Variants in PATL2 observed in about 807,000 individuals in gnomAD.
PATL2 encodes the protein PAT1 homolog 2, also known as protein PAT1 homolog 2.
In PATL2, 73 loss-of-function variants were observed where a neutral mutation model predicts 77.0. The ratio of observed to expected loss-of-function variants is 0.95; its 90% confidence interval spans 0.78 to 1.15. The LOEUF is 1.15. Ranked by LOEUF, PATL2 falls within the 50% of genes most tolerant of loss-of-function variation. The probability of loss-of-function intolerance (pLI) is 0.00; values close to 1 mark genes in which losing one functional copy is unlikely to be tolerated. For missense variants in PATL2, 618 were observed against 655.4 expected (o/e 0.94, Z 0.62); for synonymous variants, 265 against 257.1 (o/e 1.03, Z -0.29).
In PATL2 at chr15:44,666,534, T is replaced by A; in HGVS notation, c.1471A>T (p.Met491Leu). The A allele has an allele frequency of 1.3e-6, 2 of 1,549,826 alleles. No individual in the cohort carries two copies. The highest frequency in any genetic ancestry group is 8.7e-7 in the Non-Finnish European group (1 of 1,146,150). ...ATCTCCCAGGCAATCAGAACCACCATGTCTGTCCTAGAGAGCATAAATATA... is the reference window on the plus strand; with the variant it reads ...ATCTCCCAGGCAATCAGAACCACCAAGTCTGTCCTAGAGAGCATAAATATA... ...PNSDHTAWTD[M>L]VVLIAWEIAQ... is the part of the protein sequence containing the mutation. Residue 491 changes from methionine to leucine, a missense_variant, in exon 17 of 18, where the codon ATG becomes TTG. Coordinates refer to ENST00000682850, the MANE Select transcript of PATL2 (RefSeq NM_001387263.1).
At chr15:44,672,359 C>G in intron 8 of PATL2, 29 bp downstream of exon 8, 1 of 1,550,224 alleles carries the variant, frequency 6.5e-7, no homozygotes, top group Non-Finnish European at 8.7e-7. Context: ...ATGGGCTCCC[C>G]TCAACCCTGC....
At chr15:44,677,789 C>T (rs768819400) in intron 3 of PATL2, among the ~76,000 whole-genome samples, 6 of 152,148 alleles carry the variant, frequency 3.9e-5, no homozygotes, top group Admixed American at 3.3e-4. Context: ...TACTGCAGGT[C>T]ATAACTATAT....
At chr15:44,707,675 G>A (rs922479069) in intron 3 of PATL2, among the ~76,000 whole-genome samples, 2 of 152,096 alleles carry the variant, frequency 1.3e-5, no homozygotes, top group African/African-American at 4.8e-5. Flanking sequence ...TCTGAGCTTT[G>A]AGCTGCCCTG....
rs182864898 is a variant in PATL2, at chr15:44,669,300, G to A, written c.1044C>T (p.Thr348=). The A allele has an allele frequency of 1.8e-4, 282 of 1,551,040 alleles. No homozygotes were observed. In the African/African-American group the frequency reaches 3.6e-3, roughly 20 times the overall value. Residue 348 remains threonine, a synonymous_variant, in exon 13 of 18, where the codon ACC becomes ACT. Coordinates refer to ENST00000682850, the MANE Select transcript of PATL2 (RefSeq NM_001387263.1). ...QVEKLFQTLK[T]QEQNNLEEAA... ...CTCACTCCAGGTTGTTCTGCTCCTG[G>A]GTCTTTAAGGTCTGGAAGAGCTTCT...
At position 44,668,499 on chromosome 15, in the gene PATL2, A is replaced by G. The variant is rs1418219327; in HGVS notation, c.1225-17T>C. ...TTGTAGGGCCTGCAAGAAGATCAGT[A>G]AGCACCTCCCAAATTCCACTACAAC... On this transcript the variant is annotated splice_polypyrimidine_tract_variant and intron_variant, in intron 14 of 17. Coordinates refer to ENST00000682850, the MANE Select transcript of PATL2 (RefSeq NM_001387263.1). The G allele has an allele frequency of 2.2e-5, 34 of 1,547,872 alleles. No individual in the cohort carries two copies. The highest frequency in any genetic ancestry group is 2.8e-5 in the Non-Finnish European group (32 of 1,145,596).
intron 3 of PATL2, among the ~76,000 whole-genome samples, chr15:44,695,841 T>TACCAAATAATTCTTC (rs1452482457): frequency 6.6e-6 from 1 of 152,228 alleles, no homozygotes; most frequent in Non-Finnish European, 1.5e-5. Flanking sequence ...TCTGATTCTT[T>TACCAAATAATTCTTC]ACCAAATAAT....
intron 3 of PATL2, among the ~76,000 whole-genome samples, chr15:44,682,853 C>G (rs916420813): frequency 6.6e-6 from 1 of 152,206 alleles, no homozygotes; most frequent in African/African-American, 2.4e-5. Context: ...GAGATCAACA[C>G]AGAAAGTGGG....
intron 3 of PATL2, among the ~76,000 whole-genome samples, chr15:44,678,613 T>C (rs760349314): frequency 2.6e-5 from 4 of 152,276 alleles, no homozygotes; most frequent in East Asian, 1.9e-4. Flanking sequence ...GAGCTTCTTC[T>C]AGAATAAGAA....
chr15:44,681,390 A>G (rs1486527395), intron 3 of PATL2, among the ~76,000 whole-genome samples: 1 of 152,138 alleles, frequency 6.6e-6, no homozygotes, highest in Non-Finnish European at 1.5e-5. Flanking sequence ...ACAGCATTCA[A>G]CACTGCTGAT....
At chr15:44,681,737 C>T (rs1238575496) in intron 3 of PATL2, among the ~76,000 whole-genome samples, 1 of 152,210 alleles carries the variant, frequency 6.6e-6, no homozygotes, top group Non-Finnish European at 1.5e-5. Context: ...GCAATCTCAT[C>T]TCATGCTGAT....
chr15:44,676,777 C>G, intron 3 of PATL2: 1 of 1,261,096 alleles, frequency 7.9e-7, no homozygotes, highest in Non-Finnish European at 1.0e-6. Context: ...AGAAATGAGG[C>G]ACAGGCTAGA....
At chr15:44,692,419 A>C (rs367836637) in intron 3 of PATL2, among the ~76,000 whole-genome samples, 22 of 152,330 alleles carry the variant, frequency 1.4e-4, no homozygotes, top group African/African-American at 5.1e-4. Flanking sequence ...CAACAAAAAA[A>C]CCAGCTCTGT....
rs1319018604 is a variant in PATL2, at chr15:44,702,234, G to GA, written c.-76+7861dup. Among the ~76,000 whole-genome samples the GA allele has an allele frequency of 2.0e-5, 3 of 152,008 alleles. No individual in the cohort carries two copies. In the South Asian group the frequency reaches 6.2e-4, roughly 31 times the overall value. On this transcript the variant is annotated intron_variant, in intron 3 of 17. Coordinates refer to ENST00000682850, the MANE Select transcript of PATL2 (RefSeq NM_001387263.1). Reference sequence around the variant, plus strand: ...ATCTTGGCAGGTTGTATGTGTCTAGGAATGTATCCATTTCTTCTAGGTTTT... The same window carrying GA: ...ATCTTGGCAGGTTGTATGTGTCTAGGAAATGTATCCATTTCTTCTAGGTTTT...
rs910883116 is a variant in PATL2 at position 44,676,009 on chromosome 15, C to G, written c.17-318G>C. The G allele has an allele frequency of 3.5e-5, 13 of 368,882 alleles. No individual in the cohort carries two copies. The South Asian group carries it at 5.8e-4, about 16-fold the overall frequency. 22.9% of individuals were successfully genotyped at this position (368,882 alleles called of 1,614,324 possible). A position where few individuals can be genotyped will look rare whatever the true frequency, so the allele number is the denominator to read the frequency against. On this transcript the variant is annotated intron_variant, in intron 4 of 17. Transcript: ENST00000682850. ...TCAGCCTGGGCAACACAGTGAGACC[C>G]TGTCTCTAAGTAAAAAATTTAAAAA... is the stretch of plus-strand genomic sequence containing the variant.
intron 5 of PATL2, 43 bp from the exon 6 acceptor site, chr15:44,674,273 G>T: frequency 2.1e-6 from 3 of 1,407,058 alleles, no homozygotes; most frequent in South Asian, 2.6e-5. Flanking sequence ...ATGGGCCCCT[G>T]TAGTGTCTTC....
chr15:44,683,266 T>C (rs2086174768), intron 3 of PATL2, among the ~76,000 whole-genome samples: 1 of 152,038 alleles, frequency 6.6e-6, no homozygotes, highest in African/African-American at 2.4e-5. Context: ...GAAAGGGTGC[T>C]GAAGCCAGGG....
At chr15:44,694,142 C>A (rs2086454257) in intron 3 of PATL2, among the ~76,000 whole-genome samples, 1 of 152,318 alleles carries the variant, frequency 6.6e-6, no homozygotes, top group Non-Finnish European at 1.5e-5. Flanking sequence ...CTTCCCCCTA[C>A]TAAACTCTGA....
intron 3 of PATL2, among the ~76,000 whole-genome samples, chr15:44,702,586 T>C (rs913616334): frequency 6.6e-6 from 1 of 151,988 alleles, no homozygotes; most frequent in African/African-American, 2.4e-5. Context: ...ATGTTGTTTA[T>C]TTGAAGTTTT....
intron 3 of PATL2, among the ~76,000 whole-genome samples, chr15:44,688,636 G>A (rs1341748792): frequency 6.6e-6 from 1 of 152,202 alleles, no homozygotes; most frequent in East Asian, 1.9e-4. Context: ...AATGAATGGT[G>A]TTGGGAAGAC....
Sources: gnomAD v4.1 joint callset for allele counts (sites outside exome capture counted in the v4.1 genomes callset) on GRCh38, gnomAD v4.1.1 for gene constraint, MANE v1.5 for transcripts, NCBI Gene and HGNC (gene_info 2026-07-23, HGNC 2026-07-21) for gene names.